Variants in CAV1 observed in about 807,000 individuals in gnomAD.
The protein encoded by CAV1 is caveolin-1.
In CAV1, 10 loss-of-function variants were observed where a neutral mutation model predicts 16.5. The ratio of observed to expected loss-of-function variants is 0.61; its 90% CI spans 0.37 to 1.03. The LOEUF (loss-of-function observed/expected upper bound fraction) is 1.03. Among genes scored for constraint, CAV1 ranks in the 50% least tolerant of loss-of-function variants. CAV1 has a pLI of 0.01. For missense variants in CAV1, 212 were observed against 232.8 expected, an observed-to-expected ratio of 0.91 and a Z score of 0.58; for synonymous variants, 76 against 85.1, an observed-to-expected ratio of 0.89 and a Z score of 0.59.
intron 2 of CAV1, among the ~76,000 whole-genome samples, chr7:116,543,177 C>T (rs1002041690): frequency 6.6e-6 from 1 of 152,184 alleles, no homozygotes; most frequent in Non-Finnish European, 1.5e-5. Flanking sequence ...AACAGACAAT[C>T]TCTAAGTTGC....
Position 116,560,584 on chromosome 7 carries a change from T to C in CAV1, c.*1297T>C, listed in dbSNP as rs1300060484. ...GGAGGCAGTAATAAAAAGATTGAAG[T>C]ATTTTGCTGGAATAAGTTCAAATTC... On this transcript the variant is annotated 3_prime_UTR_variant, in exon 3 of 3. Coordinates refer to ENST00000341049, the MANE Select transcript of CAV1 (RefSeq NM_001753.5). The C allele has an allele frequency of 6.6e-6, 1 of 152,370 alleles. No homozygotes were observed. Among genetic ancestry groups the C allele is most frequent in the Non-Finnish European group, 1.5e-5 (1 of 68,042 alleles). 9.4% of individuals were successfully genotyped at this position (152,370 alleles called of 1,614,324 possible).
intron 1 of CAV1, chr7:116,525,759 C>T: frequency 1.9e-6 from 2 of 1,053,778 alleles, no homozygotes; most frequent in Non-Finnish European, 2.3e-6. Context: ...CAGCCACCCG[C>T]CCGCAGCCTG....
chr7:116,552,683 A>G (rs1775211602), intron 2 of CAV1, among the ~76,000 whole-genome samples: 1 of 152,214 alleles, frequency 6.6e-6, no homozygotes, highest in South Asian at 2.1e-4. Flanking sequence ...GCAAGATGAA[A>G]AGGGCAAAGA....
chr7:116,538,411 T>C (rs1261760952), intron 2 of CAV1, among the ~76,000 whole-genome samples: 3 of 152,206 alleles, frequency 2.0e-5, no homozygotes, highest in South Asian at 2.1e-4. Flanking sequence ...ATCTTTTCTA[T>C]CTTCTTAGAA....
intron 2 of CAV1, among the ~76,000 whole-genome samples, chr7:116,553,662 C>T (rs1482520510): frequency 6.6e-6 from 1 of 152,046 alleles, no homozygotes; most frequent in Non-Finnish European, 1.5e-5. Context: ...ATTTTTAATT[C>T]TTGTTCTGCT....
Position 116,526,574 on chromosome 7 carries a change from CCAA to C in CAV1, c.87_89del (p.Asn29del), listed in dbSNP as rs773189852. The C allele has an allele frequency of 3.7e-6, 6 of 1,614,146 alleles. No homozygotes were observed. The East Asian group carries it at 1.3e-4, about 36-fold the overall frequency. ...CGGGAACAGGGCAACATCTACAAGCCCAACAACAAGGCCATGGCAGACGAGCTG... is the reference window on the plus strand; with the variant it reads ...CGGGAACAGGGCAACATCTACAAGCCCAACAAGGCCATGGCAGACGAGCTG... On this transcript the variant is annotated inframe_deletion, in exon 2 of 3. Coordinates refer to ENST00000341049, the MANE Select transcript of CAV1 (RefSeq NM_001753.5).
intron 2 of CAV1, among the ~76,000 whole-genome samples, chr7:116,545,457 C>A (rs753425766): frequency 1.3e-5 from 2 of 152,152 alleles, no homozygotes; most frequent in Non-Finnish European, 1.5e-5. Flanking sequence ...TTGCAAGAAC[C>A]CTAGTGTGTA....
chr7:116,543,520 C>G (rs878895126), intron 2 of CAV1, among the ~76,000 whole-genome samples: 1 of 152,232 alleles, frequency 6.6e-6, no homozygotes, highest in Admixed American at 6.5e-5. Flanking sequence ...GGTCTTCCCT[C>G]TAATCATCCT....
chr7:116,542,292 C>T (rs1366892825), intron 2 of CAV1, among the ~76,000 whole-genome samples: 1 of 151,882 alleles, frequency 6.6e-6, no homozygotes, highest in Non-Finnish European at 1.5e-5. Context: ...TGAATTTAGA[C>T]CAGTGGTTCT....
chr7:116,557,697 A>G (rs1051191707), intron 2 of CAV1, among the ~76,000 whole-genome samples: 2 of 151,972 alleles, frequency 1.3e-5, no homozygotes, highest in African/African-American at 2.4e-5. Context: ...TTCCCTTAGC[A>G]TCTCTGGAAC....
intron 2 of CAV1, among the ~76,000 whole-genome samples, chr7:116,530,191 C>T (rs1022983100): frequency 6.0e-5 from 8 of 132,310 alleles, no homozygotes; most frequent in Non-Finnish European, 1.2e-4. Context: ...TACATGGAAA[C>T]TGATTGGTCC....
intron 1 of CAV1, chr7:116,525,488 C>G: frequency 7.8e-7 from 1 of 1,285,846 alleles, no homozygotes; most frequent in Non-Finnish European, 1.0e-6. Context: ...TGTTATTTAC[C>G]CGAGTCCTGG....
intron 2 of CAV1, among the ~76,000 whole-genome samples, chr7:116,528,223 C>T (rs538933185): frequency 3.2e-4 from 49 of 152,034 alleles, no homozygotes; most frequent in African/African-American, 1.7e-4. Flanking sequence ...AGCGAATCTC[C>T]CGGGATGAGT....
At chr7:116,550,257 T>C (rs1046324840) in intron 2 of CAV1, among the ~76,000 whole-genome samples, 4 of 152,110 alleles carry the variant, frequency 2.6e-5, no homozygotes, top group African/African-American at 9.7e-5. Flanking sequence ...CCCTCTTCCA[T>C]CTTGAAACCC....
chr7:116,553,755 A>G (rs1584783811), intron 2 of CAV1, among the ~76,000 whole-genome samples: 1 of 152,170 alleles, frequency 6.6e-6, no homozygotes, highest in African/African-American at 2.4e-5. Flanking sequence ...TCCCCTAGGA[A>G]ACGGGACTGG....
At chr7:116,552,984 A>C (rs1433051308) in intron 2 of CAV1, among the ~76,000 whole-genome samples, 1 of 152,200 alleles carries the variant, frequency 6.6e-6, no homozygotes, top group Non-Finnish European at 1.5e-5. Flanking sequence ...TAAACTTCTT[A>C]TGTGTTGTTT....
chr7:116,559,721 G>A lies in CAV1; in HGVS notation c.*434G>A, dbSNP rs969820465. 17 of 450,030 alleles carry A rather than the reference G, an allele frequency of 3.8e-5. No individual in the cohort carries two copies. Among genetic ancestry groups the A allele is most frequent in the Admixed American group, 1.2e-4 (3 of 25,848 alleles). 27.9% of individuals were successfully genotyped at this position (450,030 alleles called of 1,614,324 possible). A position where few individuals can be genotyped will look rare whatever the true frequency, so the allele number is the denominator to read the frequency against. ...CAGGGTATGGCCATGGAGTGTACAA[G>A]TATGTGGGCAGATTTTCAGCAAACT... On this transcript the variant is annotated 3_prime_UTR_variant, in exon 3 of 3. Coordinates refer to ENST00000341049, the MANE Select transcript of CAV1 (RefSeq NM_001753.5).
At chr7:116,526,811 C>T in intron 2 of CAV1, 122 bp downstream of exon 2, 3 of 1,087,888 alleles carry the variant, frequency 2.8e-6, no homozygotes, top group Non-Finnish European at 4.1e-6. Flanking sequence ...CGCGCACACA[C>T]ACACACACAC....
rs770086506 is a variant in CAV1 at position 116,558,997 on chromosome 7, G to A, written c.247G>A (p.Gly83Ser). 8.1e-6 allele frequency: 13 copies of A among 1,613,708 alleles called. No individual in the cohort carries two copies. The East Asian group carries it at 1.1e-4, about 14-fold the overall frequency. The change falls in exon 3 of 3, where the codon GGC (glycine) becomes AGC (serine). Residue 83 changes from glycine to serine, a missense_variant. Physicochemically the swap from Gly to Ser is moderately conservative, Grantham distance 56. Coordinates refer to ENST00000341049, the MANE Select transcript of CAV1 (RefSeq NM_001753.5). ...ACCAGAAGGGACACACAGTTTTGAC[G>A]GCATTTGGAAGGCCAGCTTCACCAC... ...AEPEGTHSFD[G>S]IWKASFTTFT...
Sources: gnomAD v4.1 joint callset for allele counts (sites outside exome capture counted in the v4.1 genomes callset) on GRCh38, gnomAD v4.1.1 for gene constraint, MANE v1.5 for transcripts, NCBI Gene and HGNC (gene_info 2026-07-23, HGNC 2026-07-21) for gene names.